Variants in PDGFRL observed in about 807,000 individuals in gnomAD.
PDGFRL encodes the protein platelet derived growth factor receptor like, also known as platelet-derived growth factor receptor-like protein.
PDGFRL carries 46 observed loss-of-function variants against 37.2 expected under a neutral mutation model. That is an observed-to-expected ratio of 1.24 (90% CI 0.98 to 1.58). The LOEUF (loss-of-function observed/expected upper bound fraction) is 1.58, where lower values mean the gene tolerates loss of function less well. PDGFRL is among the 40% of genes most tolerant of loss of function. PDGFRL has a pLI of 0.00. For synonymous variants in PDGFRL, 251 were observed against 184.3 expected (o/e 1.36, Z -2.93); for missense variants, 692 against 467.6 (o/e 1.48, Z -4.43).
At chr8:17,594,123 G>T (rs34679041) in intron 2 of PDGFRL, among the ~76,000 whole-genome samples, 125,217 of 149,942 alleles carry the variant, frequency 0.84, 54,698 homozygotes, top group Non-Finnish European at 0.96. Flanking sequence ...CAGCGTATTT[G>T]TTTTTTTTGT....
In PDGFRL at chr8:17,628,630, C is replaced by T. The variant is rs1236348168; in HGVS notation, c.649C>T (p.Pro217Ser). 6 of 1,614,198 alleles carry T rather than the reference C, an allele frequency of 3.7e-6. No individual in the cohort carries two copies. Among genetic ancestry groups the T allele is most frequent in the Non-Finnish European group, 5.1e-6 (6 of 1,180,040 alleles). The change falls in exon 4 of 6, where the codon CCA becomes TCA. Residue 217 changes from proline (P) to serine (S), a missense_variant. Coordinates refer to ENST00000251630, the MANE Select transcript of PDGFRL (RefSeq NM_001372073.1). ...LHREFPAKEI[P>S]ANGTDIVYDM... ...CAGGGAATTCCCAGCCAAGGAGATC[C>T]CAGCCAATGGAACGGACATTGTTTA...
At chr8:17,612,240 T>G (rs940592345) in intron 2 of PDGFRL, among the ~76,000 whole-genome samples, 1 of 152,260 alleles carries the variant, frequency 6.6e-6, no homozygotes, top group Non-Finnish European at 1.5e-5. Flanking sequence ...TAAATACACA[T>G]GAGCCCTTGT....
intron 2 of PDGFRL, among the ~76,000 whole-genome samples, chr8:17,616,542 G>A (rs930279854): frequency 6.6e-5 from 10 of 152,208 alleles, no homozygotes; most frequent in African/African-American, 2.2e-4. Flanking sequence ...CCAACTTGTC[G>A]TCCAGAATAA....
At chr8:17,584,719 T>C (rs1348941761) in intron 1 of PDGFRL, among the ~76,000 whole-genome samples, 12 of 23,016 alleles carry the variant, frequency 5.2e-4, no homozygotes, top group Non-Finnish European at 1.9e-3. Context: ...AGAAACTGCT[T>C]TTTTTTTTTT....
intron 2 of PDGFRL, among the ~76,000 whole-genome samples, chr8:17,612,131 CAGT>C (rs1370201014): frequency 6.6e-6 from 1 of 152,156 alleles, no homozygotes; most frequent in Non-Finnish European, 1.5e-5. Flanking sequence ...AAATAATACA[CAGT>C]AGTTTTAGGC....
chr8:17,601,927 A>G (rs766686064), intron 2 of PDGFRL, among the ~76,000 whole-genome samples: 1 of 152,268 alleles, frequency 6.6e-6, no homozygotes, highest in East Asian at 1.9e-4. Context: ...CTGCATGAAC[A>G]TAGGAATTCT....
chr8:17,590,249 A>AAAAAAAAAAAAAAAAAAAAAAAAAAAAAC (rs1282712548), intron 2 of PDGFRL, among the ~76,000 whole-genome samples: 1 of 148,098 alleles, frequency 6.8e-6, no homozygotes, highest in Non-Finnish European at 1.5e-5. Context: ...AAAAAAAAAA[A>AAAAAAAAAAAAAAAAAAAAAAAAAAAAAC]AAAAAAATTG....
At chr8:17,589,902 G>A (rs919897315) in intron 2 of PDGFRL, 137 bp downstream of exon 2, 3 of 614,376 alleles carry the variant, frequency 4.9e-6, no homozygotes, top group Non-Finnish European at 2.8e-6. Flanking sequence ...AAGCTCAAAG[G>A]GCAAAAGTCA....
At chr8:17,618,586 G>A (rs1416642332) in intron 2 of PDGFRL, among the ~76,000 whole-genome samples, 3 of 152,180 alleles carry the variant, frequency 2.0e-5, no homozygotes, top group Non-Finnish European at 4.4e-5. Context: ...GCTCACAAGC[G>A]ATTCACAAGC....
At chr8:17,616,314 C>G (rs1236010609) in intron 2 of PDGFRL, among the ~76,000 whole-genome samples, 10 of 152,236 alleles carry the variant, frequency 6.6e-5, no homozygotes, top group Middle Eastern at 3.4e-3. Context: ...CCTGCGTCAG[C>G]CTCCCCAGTA....
chr8:17,642,570 G>A (rs750264213), intron 5 of PDGFRL, 43 bp from the exon 6 acceptor site: 1 of 1,240,682 alleles, frequency 8.1e-7, no homozygotes, highest in Admixed American at 1.7e-5. Context: ...CTTTATAGCA[G>A]CTTGTCCCTC....
chr8:17,630,814 C>G (rs975156135), intron 4 of PDGFRL, among the ~76,000 whole-genome samples: 1 of 150,406 alleles, frequency 6.6e-6, no homozygotes, highest in Admixed American at 6.6e-5. Flanking sequence ...TAGGGACTCA[C>G]CTGTCACAAG....
chr8:17,612,518 C>T (rs1295639716), intron 2 of PDGFRL, among the ~76,000 whole-genome samples: 1 of 152,042 alleles, frequency 6.6e-6, no homozygotes, highest in Non-Finnish European at 1.5e-5. Flanking sequence ...TTACAAGCAC[C>T]TGCCACCATA....
chr8:17,599,242 A>G (rs559115026), intron 2 of PDGFRL, among the ~76,000 whole-genome samples: 2 of 152,252 alleles, frequency 1.3e-5, no homozygotes, highest in Admixed American at 6.5e-5. Context: ...TCGTCACCCA[A>G]GCAGTATACA....
At chr8:17,579,349 G>T (rs1414383514) in intron 1 of PDGFRL, among the ~76,000 whole-genome samples, 1 of 152,008 alleles carries the variant, frequency 6.6e-6, no homozygotes, top group South Asian at 2.1e-4. Context: ...GTTGTGAGTT[G>T]TGGCCAGGAG....
rs1033611829 is a variant in PDGFRL at position 17,642,711 on chromosome 8, C to T, written c.1038C>T (p.Asp346=). The T allele has an allele frequency of 6.7e-5, 108 of 1,605,104 alleles. 1 individual carries two copies. The highest frequency in any genetic ancestry group is 9.0e-5 in the Non-Finnish European group (105 of 1,171,786). ...CCCAGAGTGTCATTACAGTGGAAGACTTTGAGACGATTGATGCAGGATATT... is the reference window on the plus strand; with the variant it reads ...CCCAGAGTGTCATTACAGTGGAAGATTTTGAGACGATTGATGCAGGATATT... ...RISQSVITVE[D]FETIDAGYYI... Residue 346 remains aspartate (D), a synonymous_variant, in exon 6 of 6, where the codon GAC becomes GAT. Coordinates refer to ENST00000251630, the MANE Select transcript of PDGFRL (RefSeq NM_001372073.1).
intron 2 of PDGFRL, among the ~76,000 whole-genome samples, chr8:17,604,804 T>C (rs73565618): frequency 0.065 from 9,967 of 152,172 alleles, 485 homozygotes; most frequent in East Asian, 0.16. Flanking sequence ...TTAAAGCCTT[T>C]CTAAATATGT....
intron 4 of PDGFRL, among the ~76,000 whole-genome samples, chr8:17,632,929 C>A (rs1372610498): frequency 6.6e-6 from 1 of 152,128 alleles, no homozygotes; most frequent in African/African-American, 2.4e-5. Context: ...TCAAGGAAGC[C>A]CTTCCTGGCT....
chr8:17,623,245 A>C (rs1804666551), intron 3 of PDGFRL, among the ~76,000 whole-genome samples: 1 of 152,184 alleles, frequency 6.6e-6, no homozygotes, highest in Non-Finnish European at 1.5e-5. Context: ...GGACAAGGTG[A>C]AGGATGGACT....
Sources: allele counts gnomAD v4.1 joint callset (sites outside exome capture counted in the v4.1 genomes callset), GRCh38; gene constraint gnomAD v4.1.1; transcripts MANE v1.5; gene names NCBI Gene and HGNC (gene_info 2026-07-23, HGNC 2026-07-21).